Variants in PGPEP1L observed in about 807,000 individuals in gnomAD.
PGPEP1L encodes the protein pyroglutamyl-peptidase 1-like protein.
Under a neutral mutation model 6.0 loss-of-function variants are expected in PGPEP1L, and 7 were observed. The observed-to-expected ratio is 1.17, with a 90% CI of 0.66 to 2.19. The LOEUF (loss-of-function observed/expected upper bound fraction) is 2.19, where lower values mean the gene tolerates loss of function less well. Ranked by LOEUF, PGPEP1L falls within the 30% of genes most tolerant of loss-of-function variation. The pLI, the probability that PGPEP1L is intolerant of heterozygous loss-of-function variation, is 0.00. For missense variants in PGPEP1L, 209 were observed against 192.5 expected (o/e 1.09, Z -0.51); for synonymous variants, 103 against 83.9 (o/e 1.23, Z -1.24).
chr15:99,000,316 C>T (rs2017945787), intron 2 of PGPEP1L, among the ~76,000 whole-genome samples: 1 of 152,192 alleles, frequency 6.6e-6, no homozygotes, highest in South Asian at 2.1e-4. Context: ...TGCCAACGAG[C>T]CTCCCAGACA....
chr15:98,990,830 C>CA (rs1233405022), intron 2 of PGPEP1L, among the ~76,000 whole-genome samples: 1 of 152,190 alleles, frequency 6.6e-6, no homozygotes, highest in Non-Finnish European at 1.5e-5. Context: ...CGCACAACTA[C>CA]ATGGAAACTG....
intron 2 of PGPEP1L, among the ~76,000 whole-genome samples, chr15:98,996,597 CTTG>C (rs1231947757): frequency 4.3e-5 from 6 of 138,792 alleles, no homozygotes; most frequent in African/African-American, 1.0e-4. Flanking sequence ...GTTGTGTATG[CTTG>C]TTGTATGTGT....
At position 98,976,203 on chromosome 15, in the gene PGPEP1L, G is replaced by T. The variant is rs144084662; in HGVS notation, c.-141-5045C>A. On this transcript the variant is annotated intron_variant, in intron 2 of 4. Transcript: ENST00000535714. The stretch of plus-strand genomic sequence containing the variant: ...GCCACTTACTTGTACACTTTAAAGG[G>T]TTAAAATGGTAAATTTAATGTTATA... 4.0e-3 allele frequency among the ~76,000 whole-genome samples: 603 copies of T among 152,162 alleles called. 15 individuals are homozygous for T. Among genetic ancestry groups the T allele is most frequent in the Admixed American group, 0.026 (390 of 15,282 alleles).
chr15:98,973,049 A>G (rs1254456682), intron 2 of PGPEP1L, among the ~76,000 whole-genome samples: 1 of 152,178 alleles, frequency 6.6e-6, no homozygotes, highest in African/African-American at 2.4e-5. Context: ...AAAAAACAGC[A>G]GGAGTAGCTA....
intron 2 of PGPEP1L, among the ~76,000 whole-genome samples, chr15:98,989,446 A>G (rs2017790273): frequency 6.6e-6 from 1 of 152,228 alleles, no homozygotes; most frequent in Non-Finnish European, 1.5e-5. Flanking sequence ...AAAGAGTGAA[A>G]AGAAACAAAG....
At chr15:98,992,800 A>T (rs1023363250) in intron 2 of PGPEP1L, among the ~76,000 whole-genome samples, 1 of 152,242 alleles carries the variant, frequency 6.6e-6, no homozygotes, top group Non-Finnish European at 1.5e-5. Context: ...GCACACATCT[A>T]CAACCATCTG....
chr15:98,988,980 CACCAACATCAGAG>C (rs2017784920), intron 2 of PGPEP1L, among the ~76,000 whole-genome samples: 1 of 152,164 alleles, frequency 6.6e-6, no homozygotes, highest in Non-Finnish European at 1.5e-5. Context: ...ATTTGAAGGT[CACCAACATCAGAG>C]ACCAAAGGTA....
intron 2 of PGPEP1L, among the ~76,000 whole-genome samples, chr15:99,002,006 C>T (rs2017978788): frequency 2.6e-5 from 4 of 152,092 alleles, no homozygotes; most frequent in Middle Eastern, 3.4e-3. Context: ...CATAAGCCAT[C>T]GCACCTGGCC....
intron 2 of PGPEP1L, among the ~76,000 whole-genome samples, chr15:99,000,035 A>AGGGAGGCGTGGAGG (rs1179745226): frequency 1.1e-4 from 17 of 152,226 alleles, no homozygotes; most frequent in Admixed American, 4.6e-4. Flanking sequence ...CTCAGCTTGC[A>AGGGAGGCGTGGAGG]GGGAGGCGTG....
chr15:98,981,881 G>A (rs984542010), intron 2 of PGPEP1L, among the ~76,000 whole-genome samples: 14 of 152,170 alleles, frequency 9.2e-5, no homozygotes, highest in Non-Finnish European at 1.9e-4. Flanking sequence ...GCTCTGTTTA[G>A]CACCCTGGAA....
intron 2 of PGPEP1L, among the ~76,000 whole-genome samples, chr15:99,003,033 C>T (rs1230525944): frequency 2.0e-5 from 3 of 152,024 alleles, no homozygotes; most frequent in Non-Finnish European, 2.9e-5. Context: ...ACAGGGTTGG[C>T]TCATGAGGAA....
chr15:98,983,585 G>C (rs1249824631), intron 2 of PGPEP1L, among the ~76,000 whole-genome samples: 1 of 152,148 alleles, frequency 6.6e-6, no homozygotes, highest in African/African-American at 2.4e-5. Context: ...ATGAATATGA[G>C]GTGGTAGTGG....
chr15:98,972,872 CAAAAAAAAAAAAAAAAAAA>C (rs58126997), intron 2 of PGPEP1L, among the ~76,000 whole-genome samples: 5 of 45,690 alleles, frequency 1.1e-4, no homozygotes, highest in African/African-American at 4.3e-4. Flanking sequence ...GACTCCGTCT[CAAAAAAAAAAAAAAAAAAA>C]AAAAAAAAAA....
At chr15:98,984,099 T>C (rs2017710416) in intron 2 of PGPEP1L, among the ~76,000 whole-genome samples, 1 of 149,466 alleles carries the variant, frequency 6.7e-6, no homozygotes. Flanking sequence ...CAAGATCTGC[T>C]TCCCGGGTTC....
chr15:98,974,624 C>CG (rs2151755347), intron 2 of PGPEP1L, among the ~76,000 whole-genome samples: 1 of 152,206 alleles, frequency 6.6e-6, no homozygotes, highest in East Asian at 1.9e-4. Context: ...GGGCCGGGCG[C>CG]GGTGGCTCAT....
At chr15:99,007,082 G>C (rs550247918) in intron 1 of PGPEP1L, among the ~76,000 whole-genome samples, 1 of 152,232 alleles carries the variant, frequency 6.6e-6, no homozygotes, top group African/African-American at 2.4e-5. Context: ...TGGCTTTCTG[G>C]GATTCTGAAC....
chr15:98,993,293 T>C (rs1476375745), intron 2 of PGPEP1L, among the ~76,000 whole-genome samples: 1 of 152,168 alleles, frequency 6.6e-6, no homozygotes, highest in Non-Finnish European at 1.5e-5. Flanking sequence ...GTGAAGGATA[T>C]GAACAGACAC....
intron 2 of PGPEP1L, among the ~76,000 whole-genome samples, chr15:98,990,668 C>G (rs2017806859): frequency 6.6e-6 from 1 of 152,174 alleles, no homozygotes; most frequent in Non-Finnish European, 1.5e-5. Flanking sequence ...ACATTCTTCT[C>G]AGCACCACAT....
chr15:98,979,630 ATTCTTTTTTTTTTT>A lies in PGPEP1L; in HGVS notation c.-141-8486_-141-8473del, dbSNP rs1385871159. Among the ~76,000 whole-genome samples the A allele has an allele frequency of 3.5e-4, 37 of 105,936 alleles. 4 individuals are homozygous for A. The highest frequency in any genetic ancestry group is 6.5e-4 in the Admixed American group (6 of 9,226). 69.5% of individuals were successfully genotyped at this position (105,936 alleles called of 152,430 possible). ...AGCAACCTGGATGGGATTGGAGACT[ATTCTTTTTTTTTTT>A]TTTTTTTTTTTTTTTTTTTTTTTGG... is the stretch of plus-strand genomic sequence containing the variant. On this transcript the variant is annotated intron_variant, in intron 2 of 4. Transcript: ENST00000535714.
Sources: gnomAD v4.1 joint callset for allele counts (sites outside exome capture counted in the v4.1 genomes callset) on GRCh38, gnomAD v4.1.1 for gene constraint, MANE v1.5 for transcripts, NCBI Gene and HGNC (gene_info 2026-07-23, HGNC 2026-07-21) for gene names.